Variants in ANKS1B observed in about 807,000 individuals in gnomAD.
ANKS1B encodes the protein ankyrin repeat and sterile alpha motif domain containing 1B.
A neutral mutation model predicts 148.3 loss-of-function variants in ANKS1B; 36 were observed. The ratio of observed to expected loss-of-function variants is 0.24; its 90% confidence interval spans 0.19 to 0.32. ANKS1B has a LOEUF of 0.32. Ranked by LOEUF, ANKS1B falls within the 10% of genes least tolerant of loss-of-function variation. The probability of loss-of-function intolerance (pLI) is 1.00; values close to 1 mark genes in which losing one functional copy is unlikely to be tolerated. For missense variants in ANKS1B, 1,157 were observed against 1,542.6 expected (o/e 0.75, Z 4.19); for synonymous variants, 542 against 560.8 (o/e 0.97, Z 0.47).
chr12:99,749,183 A>C (rs980491474), intron 8 of ANKS1B, among the ~76,000 whole-genome samples: 1 of 152,118 alleles, frequency 6.6e-6, no homozygotes, highest in African/African-American at 2.4e-5. Flanking sequence ...ACCTGGATAC[A>C]TAATCCGGGG....
intron 12 of ANKS1B, among the ~76,000 whole-genome samples, chr12:99,338,070 C>T (rs2089266058): frequency 6.6e-6 from 1 of 152,120 alleles, no homozygotes; most frequent in Non-Finnish European, 1.5e-5. Flanking sequence ...GTTCTTAAGT[C>T]AGAAGGCGGT....
At chr12:98,901,561 T>C (rs2099772102) in intron 17 of ANKS1B, among the ~76,000 whole-genome samples, 1 of 152,254 alleles carries the variant, frequency 6.6e-6, no homozygotes, top group Non-Finnish European at 1.5e-5. Flanking sequence ...AATATGGATT[T>C]ATAATCATGA....
rs56976816 is a variant in ANKS1B at position 99,446,114 on chromosome 12, T to TA, written c.1439-2306dup. ...CTGATAACAGATAAAGGAAGCATGATAAAAAAAAAACAGGGTGGGGTGGGG... is the reference window on the plus strand; with the variant it reads ...CTGATAACAGATAAAGGAAGCATGATAAAAAAAAAAACAGGGTGGGGTGGGG... On this transcript the variant is annotated intron_variant, in intron 10 of 26. Transcript: ENST00000683438. Among the ~76,000 whole-genome samples the TA allele has an allele frequency of 2.3e-3, 343 of 147,218 alleles. 1 individual carries two copies. The highest frequency in any genetic ancestry group is 0.014 in the Middle Eastern group (4 of 284).
In ANKS1B at chr12:99,417,106, G is replaced by A. The variant is rs545585025; in HGVS notation, c.1576-17295C>T. On this transcript the variant is annotated intron_variant, in intron 11 of 26. Coordinates refer to ENST00000683438, the MANE Select transcript of ANKS1B (RefSeq NM_001352186.2). ...GACAATTTATTTTTTTATGGATTATGTCTTTGGTATCAAGTATAAGAACTC... is the reference window on the plus strand; with the variant it reads ...GACAATTTATTTTTTTATGGATTATATCTTTGGTATCAAGTATAAGAACTC... Among the ~76,000 whole-genome samples the A allele has an allele frequency of 1.8e-4, 27 of 152,280 alleles. No homozygotes were observed. In the South Asian group the frequency reaches 5.0e-3, roughly 28 times the overall value.
intron 11 of ANKS1B, among the ~76,000 whole-genome samples, chr12:99,427,850 T>C (rs574812290): frequency 6.6e-6 from 1 of 152,060 alleles, no homozygotes; most frequent in African/African-American, 2.4e-5. Context: ...GTTAACCAGG[T>C]AGAGAAAAAG....
chr12:99,915,116 T>C (rs1198453902), intron 1 of ANKS1B, among the ~76,000 whole-genome samples: 1 of 151,372 alleles, frequency 6.6e-6, no homozygotes, highest in East Asian at 1.9e-4. Flanking sequence ...TCCTAGCTAC[T>C]TGGGAGGCTG....
rs1047230699 is a variant in ANKS1B, at chr12:99,331,606, C to A, written c.1756+68025G>T. Among the ~76,000 whole-genome samples the A allele has an allele frequency of 5.3e-5, 8 of 152,056 alleles. 1 individual carries two copies. Among genetic ancestry groups the A allele is most frequent in the Middle Eastern group, 3.4e-3 (1 of 294 alleles). On this transcript the variant is annotated intron_variant, in intron 12 of 26. Coordinates refer to ENST00000683438, the MANE Select transcript of ANKS1B (RefSeq NM_001352186.2). ...CTTTCAGAATGAGATCTGTACTTAT[C>A]GATCACAGCATCAGCAGGGAAATTG...
chr12:99,297,014 A>G (rs1242644337), intron 12 of ANKS1B, among the ~76,000 whole-genome samples: 2 of 152,166 alleles, frequency 1.3e-5, no homozygotes, highest in South Asian at 4.1e-4. Context: ...TAAACTAAAC[A>G]TCTCAATTTA....
At chr12:98,804,402 T>C (rs956901127) in intron 20 of ANKS1B, among the ~76,000 whole-genome samples, 2 of 145,330 alleles carry the variant, frequency 1.4e-5, no homozygotes, top group African/African-American at 5.0e-5. Context: ...CATCAACTTC[T>C]CTCCCCACCC....
intron 1 of ANKS1B, among the ~76,000 whole-genome samples, chr12:99,951,761 G>A (rs2095228241): frequency 6.6e-6 from 1 of 152,012 alleles, no homozygotes; most frequent in South Asian, 2.1e-4. Flanking sequence ...GCCCATGCCT[G>A]TAGTCCCAAC....
intron 11 of ANKS1B, among the ~76,000 whole-genome samples, chr12:99,433,792 G>A (rs777661516): frequency 9.2e-5 from 14 of 152,100 alleles, no homozygotes; most frequent in Non-Finnish European, 1.8e-4. Context: ...AACACATGGG[G>A]AGTGAAAGTA....
At chr12:99,346,280 AC>A (rs1457145641) in intron 12 of ANKS1B, among the ~76,000 whole-genome samples, 1 of 151,336 alleles carries the variant, frequency 6.6e-6, no homozygotes, top group Non-Finnish European at 1.5e-5. Flanking sequence ...CTTGATAGTT[AC>A]CCCCCTGCCT....
chr12:99,608,204 G>A (rs887129356), intron 9 of ANKS1B, among the ~76,000 whole-genome samples: 4 of 152,104 alleles, frequency 2.6e-5, no homozygotes, highest in East Asian at 3.9e-4. Context: ...TTTGTGTCCC[G>A]CTTATCCTAA....
intron 25 of ANKS1B, among the ~76,000 whole-genome samples, chr12:98,757,532 G>T (rs773464495): frequency 2.0e-5 from 3 of 152,156 alleles, no homozygotes; most frequent in Non-Finnish European, 2.9e-5. Flanking sequence ...GCTTAGCCAG[G>T]AGGCCAATCC....
At chr12:99,830,718 A>G (rs116677074) in intron 1 of ANKS1B, among the ~76,000 whole-genome samples, 1 of 151,964 alleles carries the variant, frequency 6.6e-6, no homozygotes, top group Non-Finnish European at 1.5e-5. Context: ...GGAAAAAACA[A>G]TTTCAATTCC....
chr12:99,871,325 G>C (rs1277006676), intron 1 of ANKS1B, among the ~76,000 whole-genome samples: 8 of 152,144 alleles, frequency 5.3e-5, no homozygotes, highest in Non-Finnish European at 1.0e-4. Flanking sequence ...TTATGGTATA[G>C]TGTGAACTCC....
rs372250023 is a variant in ANKS1B at position 99,516,286 on chromosome 12, A to G, written c.1273-11645T>C. 9.9e-5 allele frequency among the ~76,000 whole-genome samples: 15 copies of G among 152,228 alleles called. No homozygotes were observed. The South Asian group carries it at 1.7e-3, about 17-fold the overall frequency. ...TCTTATGGCAGTTTCATAGTTTGAC[A>G]TCTTGGATTTAAGTCTTTAATCTAT... On this transcript the variant is annotated intron_variant, in intron 9 of 26. Transcript: ENST00000683438.
At chr12:99,544,264 A>T (rs2097153206) in intron 9 of ANKS1B, among the ~76,000 whole-genome samples, 1 of 152,154 alleles carries the variant, frequency 6.6e-6, no homozygotes, top group Non-Finnish European at 1.5e-5. Flanking sequence ...ACCAGTTATG[A>T]AGTATTTCAA....
chr12:98,840,926 G>T (rs2099402604), intron 17 of ANKS1B, among the ~76,000 whole-genome samples: 1 of 152,128 alleles, frequency 6.6e-6, no homozygotes, highest in Non-Finnish European at 1.5e-5. Flanking sequence ...AAAAGAAAAT[G>T]GGAAGTATGT....
Sources: gnomAD v4.1 joint callset for allele counts (sites outside exome capture counted in the v4.1 genomes callset) on GRCh38, gnomAD v4.1.1 for gene constraint, MANE v1.5 for transcripts, NCBI Gene and HGNC (gene_info 2026-07-23, HGNC 2026-07-21) for gene names.